The following BTN3A1 variants were observed in gnomAD, a reference collection of about 807,000 sequenced individuals.
The protein encoded by BTN3A1 is dJ45P21.3 (butyrophilin, subfamily 3, member A1).
Under a neutral mutation model 43.0 loss-of-function variants are expected in BTN3A1, and 24 were observed. That is an observed-to-expected ratio of 0.56 (90% CI 0.40 to 0.78). The LOEUF is 0.78. Ranked by LOEUF, BTN3A1 falls within the 30% of genes least tolerant of loss-of-function variation. BTN3A1 has a pLI of 0.00. For missense variants in BTN3A1, 533 were observed against 626.2 expected, an observed-to-expected ratio of 0.85 and a Z score of 1.59; for synonymous variants, 181 against 234.7, an observed-to-expected ratio of 0.77 and a Z score of 2.09.
At chr6:26,410,085 G>C (rs969881652) in intron 7 of BTN3A1, 53 bp downstream of exon 7, 1 of 1,605,958 alleles carries the variant, frequency 6.2e-7, no homozygotes, top group Non-Finnish European at 8.5e-7. Context: ...GTCTGTGCTT[G>C]AATAGTTTCC....
intron 7 of BTN3A1, among the ~76,000 whole-genome samples, chr6:26,410,277 CCTCT>C (rs1479871682): frequency 3.1e-4 from 47 of 150,380 alleles, no homozygotes; most frequent in Non-Finnish European, 5.5e-4. Flanking sequence ...TTTCTTTCTC[CCTCT>C]CTTTCTCTTT....
chr6:26,405,323 T>C (rs1265521974), intron 1 of BTN3A1, 49 bp from the exon 2 acceptor site: 12 of 589,272 alleles, frequency 2.0e-5, no homozygotes, highest in Non-Finnish European at 3.3e-5. Context: ...CAGTGAGGAT[T>C]TTCTGATCGA....
chr6:26,405,758 AC>A, intron 2 of BTN3A1, 110 bp downstream of exon 2: 1 of 1,577,404 alleles, frequency 6.3e-7, no homozygotes, highest in East Asian at 2.2e-5. Flanking sequence ...CTGAAGGTTC[AC>A]CCGTCACTAA....
intron 8 of BTN3A1, 24 bp downstream of exon 8, chr6:26,411,159 A>C: frequency 6.2e-7 from 1 of 1,607,088 alleles, no homozygotes; most frequent in Non-Finnish European, 8.5e-7. Flanking sequence ...ATGCTCTCTG[A>C]GTTTGCTGGG....
rs1219898721 is a variant in BTN3A1, at chr6:26,413,155, C to A, written c.1019-14C>A. 2 of 1,601,524 alleles carry A rather than the reference C, an allele frequency of 1.2e-6. No individual in the cohort carries two copies. Among genetic ancestry groups the A allele is most frequent in the Admixed American group, 3.4e-5 (2 of 59,072 alleles). ...ATGGTTGACCTCATGGACACTTCCTCAAACTCTCTGCAGCGGATGTGATTC... is the reference window on the plus strand; with the variant it reads ...ATGGTTGACCTCATGGACACTTCCTAAAACTCTCTGCAGCGGATGTGATTC... On this transcript the variant is annotated splice_polypyrimidine_tract_variant and intron_variant, in intron 9 of 9. Coordinates refer to ENST00000289361, the MANE Select transcript of BTN3A1 (RefSeq NM_007048.6).
intron 2 of BTN3A1, 57 bp from the exon 3 acceptor site, chr6:26,405,852 C>A: frequency 6.2e-7 from 1 of 1,612,798 alleles, no homozygotes; most frequent in Non-Finnish European, 8.5e-7. Context: ...AAGCACCCTT[C>A]CTCTCATGAC....
intron 3 of BTN3A1, among the ~76,000 whole-genome samples, chr6:26,406,521 A>G (rs1762025178): frequency 6.6e-6 from 1 of 152,350 alleles, no homozygotes; most frequent in African/African-American, 2.4e-5. Flanking sequence ...CAAGGGATAG[A>G]AAGCATAAGA....
At position 26,407,829 on chromosome 6, in the gene BTN3A1, G is replaced by A. The variant is rs151227699; in HGVS notation, c.592G>A (p.Gly198Arg). Residue 198 changes from glycine (G) to arginine (R), a missense_variant, in exon 4 of 10, where the codon GGA becomes AGA. Gly to Arg is a moderately radical substitution (Grantham distance 125). This residue lies in a region of BTN3A1 where 415 missense variants were observed against 427.0 expected (regional missense o/e 0.97). Coordinates refer to ENST00000289361, the MANE Select transcript of BTN3A1 (RefSeq NM_007048.6). ...TGTGGAAGCACCTGTGGTTGCAGAC[G>A]GAGTGGGCCTGTATGCAGTAGCAGC... ...PTVEAPVVADGVGLYAVAASV... is the reference protein window; with the variant it reads ...PTVEAPVVADRVGLYAVAASV... 5.7e-5 allele frequency: 92 copies of A among 1,614,236 alleles called. 1 individual carries two copies. The African/African-American group carries it at 8.0e-4, about 14-fold the overall frequency.
chr6:26,404,599 G>A (rs1761951422), intron 1 of BTN3A1: 1 of 152,176 alleles, frequency 6.6e-6, no homozygotes, highest in Non-Finnish European at 1.5e-5. Context: ...CGAGGGATGA[G>A]CCGTCATTCC....
At chr6:26,404,322 C>G (rs962644156) in intron 1 of BTN3A1, 1 of 152,214 alleles carries the variant, frequency 6.6e-6, no homozygotes, top group South Asian at 2.1e-4. Context: ...AAATTTAAAG[C>G]ATTCCAATAT....
chr6:26,412,603 A>G, intron 9 of BTN3A1: 1 of 1,546,728 alleles, frequency 6.5e-7, no homozygotes, highest in African/African-American at 1.4e-5. Flanking sequence ...TGCAGCTATC[A>G]GGAAGATGAG....
At position 26,413,960 on chromosome 6, in the gene BTN3A1, C is replaced by T; in HGVS notation, c.*268C>T. The T allele has an allele frequency of 1.9e-6, 1 of 519,736 alleles. No homozygotes were observed. The highest frequency in any genetic ancestry group is 3.3e-6 in the Non-Finnish European group (1 of 300,222). The allele number at this position is 519,736 out of a possible 1,614,324, so 32.2% of individuals were successfully genotyped here. ...TTTGAGTTTGGTACCATCTTATTTT[C>T]CCCTTATACAGATAAGGAAACTGGG... On this transcript the variant is annotated 3_prime_UTR_variant, in exon 10 of 10. Transcript: ENST00000289361.
rs1222036579 is a variant in BTN3A1 at position 26,407,777 on chromosome 6, C to A, written c.540C>A (p.Ser180Arg). 6.2e-7 allele frequency: 1 copy of A among 1,614,058 alleles called. No individual in the cohort carries two copies. Among genetic ancestry groups the A allele is most frequent in the African/African-American group, 1.3e-5 (1 of 74,908 alleles). ...ACCCCCAACCCCAAATACAGTGGAG[C>A]AACAACAAGGGAGAGAACATCCCGA... ...GWYPQPQIQW[S>R]NNKGENIPTV... Residue 180 changes from serine to arginine, a missense_variant, in exon 4 of 10, where the codon AGC (serine) becomes AGA (arginine). Physicochemically the swap from Ser to Arg is moderately radical, Grantham distance 110. Coordinates refer to ENST00000289361, the MANE Select transcript of BTN3A1 (RefSeq NM_007048.6).
At position 26,409,827 on chromosome 6, in the gene BTN3A1, T is replaced by C. The variant is rs915494187; in HGVS notation, c.917-67T>C. Reference sequence around the variant, plus strand: ...CCCCACCGCAGAGCTCAGTTGCTTTTAAGGTTAATTTTTTAGAAAACCCCC... The same window carrying C: ...CCCCACCGCAGAGCTCAGTTGCTTTCAAGGTTAATTTTTTAGAAAACCCCC... On this transcript the variant is annotated intron_variant, in intron 5 of 9. Coordinates refer to ENST00000289361, the MANE Select transcript of BTN3A1 (RefSeq NM_007048.6). The C allele has an allele frequency of 3.1e-6, 5 of 1,613,030 alleles. No individual in the cohort carries two copies. The African/African-American group carries it at 4.0e-5, about 13-fold the overall frequency.
In BTN3A1 at chr6:26,414,106, C is replaced by T; in HGVS notation, c.*414C>T. 1 of 252,732 alleles carries T rather than the reference C, an allele frequency of 4.0e-6. No homozygotes were observed. Among genetic ancestry groups the T allele is most frequent in the Non-Finnish European group, 7.8e-6 (1 of 128,780 alleles). 15.7% of individuals were successfully genotyped at this position (252,732 alleles called of 1,614,324 possible). A position where few individuals can be genotyped will look rare whatever the true frequency, so the allele number is the denominator to read the frequency against. On this transcript the variant is annotated 3_prime_UTR_variant, in exon 10 of 10. Coordinates refer to ENST00000289361, the MANE Select transcript of BTN3A1 (RefSeq NM_007048.6). ...AATGCTCTGAGTGCTGTGTTATGAG[C>T]TTTGGTGGATGTCACTCCTTTAATC... is the stretch of plus-strand genomic sequence containing the variant.
chr6:26,411,420 G>A (rs1446321664), intron 8 of BTN3A1, 135 bp from the exon 9 acceptor site: 3 of 1,137,096 alleles, frequency 2.6e-6, no homozygotes, highest in Non-Finnish European at 3.8e-6. Context: ...ATCCATCAGA[G>A]CTGTAGAAGA....
At chr6:26,412,563 A>G in intron 9 of BTN3A1, 1 of 1,548,230 alleles carries the variant, frequency 6.5e-7, no homozygotes, top group East Asian at 2.4e-5. Flanking sequence ...CATATAAGGC[A>G]CCACATAGAG....
At position 26,413,520 on chromosome 6, in the gene BTN3A1, C is replaced by G; in HGVS notation, c.1370C>G (p.Pro457Arg). The G allele has an allele frequency of 6.2e-7, 1 of 1,614,124 alleles. No individual in the cohort carries two copies. Among genetic ancestry groups the G allele is most frequent in the African/African-American group, 1.3e-5 (1 of 75,022 alleles). Reference sequence around the variant, plus strand: ...ACCAACCTGAAACTTCCTAAGCCCCCTAAGAAAGTGGGGGTCTTCCTGGAC... The same window carrying G: ...ACCAACCTGAAACTTCCTAAGCCCCGTAAGAAAGTGGGGGTCTTCCTGGAC... ...PRTNLKLPKP[P>R]KKVGVFLDYE... The change falls in exon 10 of 10, where the codon CCT becomes CGT. Residue 457 changes from proline (P) to arginine (R), a missense_variant. Physicochemically the swap from Pro to Arg is moderately radical, Grantham distance 103. Around this residue, in one of 4 missense-constraint regions of BTN3A1, gnomAD observed 415 missense variants for 427.0 expected, o/e 0.97. Transcript: ENST00000289361.
At chr6:26,402,498 A>C (rs1434864706) in intron 1 of BTN3A1, 86 bp downstream of exon 1, 1 of 152,430 alleles carries the variant, frequency 6.6e-6, no homozygotes, top group Non-Finnish European at 1.5e-5. Context: ...GTGGGCATGC[A>C]GGGAGAGTAC....
Sources: allele counts gnomAD v4.1 joint callset (sites outside exome capture counted in the v4.1 genomes callset), GRCh38; gene constraint gnomAD v4.1.1; regional missense constraint gnomAD v4.1.1; transcripts MANE v1.5; gene names NCBI Gene and HGNC (gene_info 2026-07-23, HGNC 2026-07-21).